DRD3: variants seen among roughly 807,000 people sequenced by gnomAD.
The protein encoded by DRD3 is dopamine receptor D3, also known as D(3) dopamine receptor.
A neutral mutation model predicts 36.3 loss-of-function variants in DRD3; 19 were observed. The observed-to-expected ratio is 0.52, with a 90% confidence interval of 0.36 to 0.77. DRD3 has a LOEUF of 0.77. DRD3 is among the 30% of genes least tolerant of loss of function. DRD3 has a pLI of 0.00. For synonymous variants in DRD3, 195 were observed against 203.7 expected, an observed-to-expected ratio of 0.96 and a Z score of 0.36; for missense variants, 465 against 505.3, an observed-to-expected ratio of 0.92 and a Z score of 0.77.
At chr3:114,194,200 T>C (rs1455669418) in intron 1 of DRD3, among the ~76,000 whole-genome samples, 1 of 152,240 alleles carries the variant, frequency 6.6e-6, no homozygotes, top group African/African-American at 2.4e-5. Flanking sequence ...CCTCATTTTG[T>C]TTCCATCCAA....
At chr3:114,179,477 A>G (rs898462144), upstream of DRD3, among the ~76,000 whole-genome samples, 1 of 152,220 alleles carries the variant, frequency 6.6e-6, no homozygotes, top group Non-Finnish European at 1.5e-5. Flanking sequence ...GACTTCATAA[A>G]TATTTGCCAA....
intron 1 of DRD3, among the ~76,000 whole-genome samples, chr3:114,187,312 C>T (rs1361913745): frequency 6.6e-6 from 1 of 152,220 alleles, no homozygotes. Flanking sequence ...GGTTTGATCT[C>T]TGCCCTAGAG....
intron 4 of DRD3, 110 bp from the exon 5 acceptor site, chr3:114,139,806 G>T: frequency 9.8e-7 from 1 of 1,022,346 alleles, no homozygotes; most frequent in Non-Finnish European, 1.4e-6. Flanking sequence ...CTGCTGCACA[G>T]GGGGTGGGAA....
chr3:114,160,728 A>G (rs2077724940), intron 2 of DRD3, among the ~76,000 whole-genome samples: 1 of 152,202 alleles, frequency 6.6e-6, no homozygotes, highest in South Asian at 2.1e-4. Flanking sequence ...AACATTCTGA[A>G]ACAACATTTA....
chr3:114,132,403 T>A (rs1425248786), intron 5 of DRD3, among the ~76,000 whole-genome samples: 1 of 151,910 alleles, frequency 6.6e-6, no homozygotes, highest in Admixed American at 6.6e-5. Context: ...CCAGGGCCTG[T>A]CAAGGGATGG....
At chr3:114,134,511 C>T (rs2077458755) in intron 5 of DRD3, among the ~76,000 whole-genome samples, 1 of 152,044 alleles carries the variant, frequency 6.6e-6, no homozygotes, top group Non-Finnish European at 1.5e-5. Flanking sequence ...CCTCTGCCTC[C>T]CAGGTTCAAG....
intron 5 of DRD3, among the ~76,000 whole-genome samples, chr3:114,133,622 G>A (rs1429568473): frequency 6.6e-6 from 1 of 152,298 alleles, no homozygotes; most frequent in African/African-American, 2.4e-5. Flanking sequence ...TTGTAAAACA[G>A]AAAAGAAATA....
chr3:114,170,814 C>A lies in DRD3; in HGVS notation c.270+909G>T, dbSNP rs545146406. Among the ~76,000 whole-genome samples the A allele has an allele frequency of 1.5e-4, 23 of 152,156 alleles. 1 individual carries two copies. The South Asian group carries it at 4.8e-3, about 32-fold the overall frequency. ...CTCTTAATCATAGCATCATTTTGAT[C>A]CTTCATTGGATACCTCTTTAAAATG... On this transcript the variant is annotated intron_variant, in intron 2 of 6. Transcript: ENST00000383673.
At chr3:114,167,648 T>A (rs948107032) in intron 2 of DRD3, among the ~76,000 whole-genome samples, 1 of 152,184 alleles carries the variant, frequency 6.6e-6, no homozygotes, top group South Asian at 2.1e-4. Context: ...GTCTTAAAGA[T>A]GAGAATGATA....
At chr3:114,150,017 G>C (rs1178813949) in intron 3 of DRD3, among the ~76,000 whole-genome samples, 2 of 152,212 alleles carry the variant, frequency 1.3e-5, no homozygotes, top group Non-Finnish European at 2.9e-5. Context: ...AATGGGTACA[G>C]TTCAAGCCTC....
chr3:114,133,884 C>A (rs9824856), intron 5 of DRD3, among the ~76,000 whole-genome samples: 135,151 of 152,212 alleles, frequency 0.89, 61,385 homozygotes, highest in East Asian at 0.99. Context: ...GCACATGCAC[C>A]AAGCCCAGTC....
intron 6 of DRD3, among the ~76,000 whole-genome samples, chr3:114,130,414 A>C (rs918029287): frequency 6.7e-6 from 1 of 150,036 alleles, no homozygotes; most frequent in Non-Finnish European, 1.5e-5. Context: ...CTCTGTATTT[A>C]AAATAATCTA....
intron 2 of DRD3, among the ~76,000 whole-genome samples, chr3:114,162,217 A>T: frequency 6.6e-6 from 1 of 152,378 alleles, no homozygotes; most frequent in Non-Finnish European, 1.5e-5. Flanking sequence ...TATTGTTAAT[A>T]GGAATTAACA....
chr3:114,133,344 G>T (rs559878318), intron 5 of DRD3, among the ~76,000 whole-genome samples: 1 of 152,208 alleles, frequency 6.6e-6, no homozygotes, highest in Non-Finnish European at 1.5e-5. Context: ...GAAATAATAC[G>T]GTGTTTAGTA....
At chr3:114,184,518 G>A (rs1418526641) in intron 1 of DRD3, among the ~76,000 whole-genome samples, 3 of 151,928 alleles carry the variant, frequency 2.0e-5, no homozygotes, top group Non-Finnish European at 4.4e-5. Flanking sequence ...TGAGCTCTTT[G>A]TTTCTTCATA....
At chr3:114,145,240 C>A (rs1297940827) in intron 4 of DRD3, among the ~76,000 whole-genome samples, 9 of 152,104 alleles carry the variant, frequency 5.9e-5, no homozygotes, top group African/African-American at 1.9e-4. Flanking sequence ...CATATAGAAA[C>A]AAGGTTACAG....
chr3:114,173,031 G>A (rs1172241507), intron 1 of DRD3, among the ~76,000 whole-genome samples: 5 of 152,010 alleles, frequency 3.3e-5, no homozygotes, highest in Non-Finnish European at 5.9e-5. Context: ...GGTATTAGGA[G>A]GTGGGGGTCT....
At chr3:114,193,423 G>A (rs17605608) in intron 1 of DRD3, among the ~76,000 whole-genome samples, 27,342 of 152,172 alleles carry the variant, frequency 0.18, 2,878 homozygotes, top group Admixed American at 0.3. Context: ...GCCAACAGTT[G>A]AATGCTTATC....
intron 6 of DRD3, among the ~76,000 whole-genome samples, chr3:114,129,268 G>T (rs1257750852): frequency 7.2e-5 from 11 of 151,964 alleles, no homozygotes; most frequent in Admixed American, 7.2e-4. Flanking sequence ...GCTTGAGCCC[G>T]GGAGGCAGAG....
Sources: allele counts gnomAD v4.1 joint callset (sites outside exome capture counted in the v4.1 genomes callset), GRCh38; gene constraint gnomAD v4.1.1; transcripts MANE v1.5; gene names NCBI Gene and HGNC (gene_info 2026-07-23, HGNC 2026-07-21).